Variants in NELL2 observed in about 807,000 individuals in gnomAD.
The protein encoded by NELL2 is neural EGFL like 2, also known as protein kinase C-binding protein NELL2.
NELL2 carries 41 observed loss-of-function variants against 109.6 expected under a neutral mutation model. The ratio of observed to expected loss-of-function variants is 0.37; its 90% CI spans 0.29 to 0.49. The LOEUF is 0.49. NELL2 is among the 20% of genes least tolerant of loss of function. NELL2 has a pLI of 0.98. For synonymous variants in NELL2, 355 were observed against 344.7 expected (o/e 1.03, Z -0.33); for missense variants, 900 against 1,008.3 (o/e 0.89, Z 1.45).
intron 11 of NELL2, among the ~76,000 whole-genome samples, chr12:44,709,511 T>C (rs1938076454): frequency 6.6e-6 from 1 of 152,164 alleles, no homozygotes; most frequent in African/African-American, 2.4e-5. Flanking sequence ...GTTAACACCA[T>C]GTGGAGCACA....
intron 15 of NELL2, among the ~76,000 whole-genome samples, chr12:44,576,207 T>A (rs1045340786): frequency 2.6e-5 from 4 of 152,290 alleles, no homozygotes; most frequent in African/African-American, 9.6e-5. Flanking sequence ...AAATCCCCCA[T>A]CCCACTCCCC....
intron 9 of NELL2, among the ~76,000 whole-genome samples, chr12:44,763,810 C>T (rs567638683): frequency 2.3e-4 from 35 of 152,174 alleles, no homozygotes; most frequent in African/African-American, 7.5e-4. Context: ...AATGCATTAT[C>T]CTAAATTTTT....
chr12:44,732,925 T>C (rs1939445184), intron 9 of NELL2, among the ~76,000 whole-genome samples: 2 of 151,948 alleles, frequency 1.3e-5, no homozygotes, highest in African/African-American at 2.4e-5. Context: ...GATATATAAA[T>C]GGCCAATAGG....
At chr12:44,615,404 T>C (rs1047965781) in intron 13 of NELL2, among the ~76,000 whole-genome samples, 2 of 152,132 alleles carry the variant, frequency 1.3e-5, no homozygotes, top group Non-Finnish European at 2.9e-5. Flanking sequence ...ACATACTTTG[T>C]TACATATATT....
chr12:44,549,392 G>GGA (rs1942936709), intron 15 of NELL2, among the ~76,000 whole-genome samples: 1 of 152,138 alleles, frequency 6.6e-6, no homozygotes, highest in Non-Finnish European at 1.5e-5. Flanking sequence ...GGGAAGGGTG[G>GGA]GAGAGAGATT....
At chr12:44,733,557 G>A (rs74725503) in intron 9 of NELL2, among the ~76,000 whole-genome samples, 4,111 of 151,938 alleles carry the variant, frequency 0.027, 187 homozygotes, top group African/African-American at 0.092. Context: ...GCGCTAGGAG[G>A]AGAAGAAAAT....
At chr12:44,812,492 T>G (rs1253554563) in intron 3 of NELL2, among the ~76,000 whole-genome samples, 1 of 152,234 alleles carries the variant, frequency 6.6e-6, no homozygotes, top group East Asian at 1.9e-4. Context: ...TTTATCCTTT[T>G]GTTTGCTCTG....
intron 15 of NELL2, among the ~76,000 whole-genome samples, chr12:44,548,910 CCTTT>C (rs1325146831): frequency 6.6e-6 from 1 of 152,066 alleles, no homozygotes; most frequent in Non-Finnish European, 1.5e-5. Flanking sequence ...TGTTAAATTG[CCTTT>C]ATTTATTCCC....
chr12:44,702,936 T>C (rs932515038), intron 12 of NELL2, among the ~76,000 whole-genome samples: 2 of 152,222 alleles, frequency 1.3e-5, no homozygotes, highest in African/African-American at 4.8e-5. Context: ...CACAGATCTA[T>C]GACATATGCT....
intron 15 of NELL2, among the ~76,000 whole-genome samples, chr12:44,581,781 A>C (rs1015058674): frequency 2.0e-5 from 3 of 152,202 alleles, no homozygotes; most frequent in Non-Finnish European, 4.4e-5. Flanking sequence ...TATGATCTTA[A>C]CTTGAATATA....
chr12:44,607,970 G>A (rs1324291464), intron 14 of NELL2, among the ~76,000 whole-genome samples: 1 of 152,094 alleles, frequency 6.6e-6, no homozygotes, highest in Non-Finnish European at 1.5e-5. Flanking sequence ...CATTGCAAGG[G>A]CGATCTCTTG....
intron 15 of NELL2, among the ~76,000 whole-genome samples, chr12:44,592,242 T>A (rs896371238): frequency 1.3e-5 from 2 of 152,238 alleles, no homozygotes; most frequent in African/African-American, 4.8e-5. Flanking sequence ...AATGATTTAA[T>A]AAATGTAAAG....
At chr12:44,546,105 G>C (rs1592097994) in intron 15 of NELL2, among the ~76,000 whole-genome samples, 1 of 152,110 alleles carries the variant, frequency 6.6e-6, no homozygotes, top group East Asian at 1.9e-4. Context: ...TGAATGGTAT[G>C]CCAGGAATGG....
At chr12:44,673,099 A>G (rs1948197290) in intron 12 of NELL2, among the ~76,000 whole-genome samples, 1 of 152,174 alleles carries the variant, frequency 6.6e-6, no homozygotes, top group African/African-American at 2.4e-5. Flanking sequence ...AAATACCACC[A>G]TAACTCTGTA....
intron 12 of NELL2, among the ~76,000 whole-genome samples, chr12:44,685,169 G>C (rs1455914108): frequency 2.0e-5 from 3 of 152,100 alleles, no homozygotes; most frequent in Non-Finnish European, 4.4e-5. Flanking sequence ...TTACCATTAA[G>C]TAATGGCCTT....
chr12:44,596,605 A>G (rs1359671723), intron 15 of NELL2, among the ~76,000 whole-genome samples: 1 of 151,856 alleles, frequency 6.6e-6, no homozygotes, highest in Non-Finnish European at 1.5e-5. Context: ...TCTTTAAACT[A>G]CTATTATTTT....
At chr12:44,611,683 G>C (rs917611735) in intron 13 of NELL2, among the ~76,000 whole-genome samples, 1 of 152,054 alleles carries the variant, frequency 6.6e-6, no homozygotes, top group African/African-American at 2.4e-5. Flanking sequence ...CTGTGGGAGA[G>C]GCAGAACCAA....
At chr12:44,745,896 C>T (rs1287880638) in intron 9 of NELL2, among the ~76,000 whole-genome samples, 5 of 152,244 alleles carry the variant, frequency 3.3e-5, no homozygotes, top group East Asian at 1.9e-4. Context: ...AGATTCAATG[C>T]CATCCCCATC....
intron 13 of NELL2, among the ~76,000 whole-genome samples, chr12:44,652,379 T>C (rs1057031688): frequency 6.6e-6 from 1 of 152,208 alleles, no homozygotes; most frequent in African/African-American, 2.4e-5. Context: ...TTTGTGTTTG[T>C]GTGTTTGTGT....
Sources: gnomAD v4.1 joint callset for allele counts (sites outside exome capture counted in the v4.1 genomes callset) on GRCh38, gnomAD v4.1.1 for gene constraint, MANE v1.5 for transcripts, NCBI Gene and HGNC (gene_info 2026-07-23, HGNC 2026-07-21) for gene names.